The following DNAH6 variants were observed in gnomAD, a reference collection of about 807,000 sequenced individuals.
DNAH6 encodes the protein axonemal beta dynein heavy chain 6.
In DNAH6, 340 loss-of-function variants were observed where a neutral mutation model predicts 491.4. The ratio of observed to expected loss-of-function variants is 0.69; its 90% CI spans 0.63 to 0.76. The LOEUF (loss-of-function observed/expected upper bound fraction) is 0.76, where lower values mean the gene tolerates loss of function less well. Among genes scored for constraint, DNAH6 ranks in the 30% least tolerant of loss-of-function variants. The pLI, the probability that DNAH6 is intolerant of heterozygous loss-of-function variation, is 0.00. For missense variants in DNAH6, 4,443 were observed against 4,972.2 expected, an observed-to-expected ratio of 0.89 and a Z score of 3.20; for synonymous variants, 1,603 against 1,686.1, an observed-to-expected ratio of 0.95 and a Z score of 1.21.
intron 61 of DNAH6, among the ~76,000 whole-genome samples, chr2:84,732,263 G>GGTT (rs1553480747): frequency 1.3e-5 from 2 of 151,950 alleles, no homozygotes; most frequent in African/African-American, 4.8e-5. Context: ...CAGATCTGGA[G>GGTT]TTTTTTCAGT....
chr2:84,677,232 G>A, intron 41 of DNAH6, 96 bp downstream of exon 41: 6 of 1,470,614 alleles, frequency 4.1e-6, no homozygotes, highest in Non-Finnish European at 9.3e-7. Context: ...TTTCTAAGGA[G>A]TCCATCTATC....
chr2:84,651,638 G>T (rs183728920), intron 33 of DNAH6, among the ~76,000 whole-genome samples: 222 of 151,664 alleles, frequency 1.5e-3, no homozygotes, highest in African/African-American at 5.2e-3. Flanking sequence ...TTTCTAGATT[G>T]CCAGGATGTA....
chr2:84,655,460 C>T (rs561125410), intron 35 of DNAH6, among the ~76,000 whole-genome samples: 3 of 152,180 alleles, frequency 2.0e-5, no homozygotes, highest in African/African-American at 4.8e-5. Context: ...CACATCTCAT[C>T]CCCTACTCCA....
intron 10 of DNAH6, among the ~76,000 whole-genome samples, chr2:84,553,766 A>C (rs185650461): frequency 1.8e-3 from 274 of 150,508 alleles, no homozygotes; most frequent in African/African-American, 6.5e-3. Flanking sequence ...CACCATGCCC[A>C]GCCTGTAAAT....
chr2:84,683,259 G>T (rs889799026), intron 42 of DNAH6, among the ~76,000 whole-genome samples: 6 of 152,074 alleles, frequency 3.9e-5, no homozygotes, highest in African/African-American at 1.4e-4. Flanking sequence ...GTATCCCAGT[G>T]CCTAATCGGG....
At chr2:84,576,831 A>G (rs951237333) in intron 12 of DNAH6, among the ~76,000 whole-genome samples, 1 of 152,180 alleles carries the variant, frequency 6.6e-6, no homozygotes, top group African/African-American at 2.4e-5. Flanking sequence ...AATTTTAGCT[A>G]TGTGTGATCT....
At chr2:84,533,497 A>G (rs940862019) in intron 4 of DNAH6, among the ~76,000 whole-genome samples, 5 of 152,130 alleles carry the variant, frequency 3.3e-5, no homozygotes, top group African/African-American at 1.2e-4. Context: ...AGATAAGAAT[A>G]CAATATTGGA....
intron 10 of DNAH6, among the ~76,000 whole-genome samples, chr2:84,556,341 G>A (rs1404010640): frequency 6.7e-6 from 1 of 149,522 alleles, no homozygotes; most frequent in Admixed American, 6.6e-5. Flanking sequence ...TTTCATGAAG[G>A]GGCTGACTGC....
chr2:84,744,329 A>G (rs1332678678), intron 62 of DNAH6, among the ~76,000 whole-genome samples: 3 of 152,220 alleles, frequency 2.0e-5, no homozygotes, highest in Non-Finnish European at 4.4e-5. Context: ...GGCTTATACC[A>G]TATGCATTCT....
At chr2:84,580,316 GCACACACACA>G (rs36209367) in intron 14 of DNAH6, among the ~76,000 whole-genome samples, 3,310 of 149,050 alleles carry the variant, frequency 0.022, 57 homozygotes, top group African/African-American at 0.045. Flanking sequence ...ACATACACAC[GCACACACACA>G]CACACACACA....
intron 31 of DNAH6, among the ~76,000 whole-genome samples, chr2:84,639,475 A>G (rs1573321417): frequency 6.7e-6 from 1 of 149,026 alleles, no homozygotes; most frequent in South Asian, 2.1e-4. Flanking sequence ...CTGGAGTGCA[A>G]TGGCACGATC....
At chr2:84,777,568 C>A in intron 64 of DNAH6, 2 of 783,968 alleles carry the variant, frequency 2.6e-6, no homozygotes. Flanking sequence ...GAACCTCTTT[C>A]CACTGTTACT....
At chr2:84,787,438 G>A (rs1677313395) in intron 68 of DNAH6, 136 bp downstream of exon 68, 2 of 629,186 alleles carry the variant, frequency 3.2e-6, no homozygotes, top group Non-Finnish European at 5.3e-6. Context: ...TGTTCCTTGT[G>A]TGAAGACAAG....
intron 42 of DNAH6, 82 bp from the exon 43 acceptor site, chr2:84,685,244 A>T: frequency 9.5e-7 from 1 of 1,052,540 alleles, no homozygotes; most frequent in Non-Finnish European, 1.3e-6. Flanking sequence ...AGTTGTACTT[A>T]AGGGTTTCCT....
At chr2:84,784,911 G>T in intron 66 of DNAH6, 101 bp downstream of exon 66, 2 of 804,840 alleles carry the variant, frequency 2.5e-6, no homozygotes, top group Non-Finnish European at 4.0e-6. Flanking sequence ...GCATGTGGAG[G>T]TCTGTGTGGC....
intron 18 of DNAH6, among the ~76,000 whole-genome samples, chr2:84,598,698 A>T (rs6547572): frequency 2.6e-5 from 4 of 152,024 alleles, no homozygotes; most frequent in Non-Finnish European, 5.9e-5. Context: ...TTTGTTTTTT[A>T]ATTTCAGTCA....
rs1308053518 is a variant in DNAH6, at chr2:84,634,533, A to G, written c.4545A>G (p.Ala1515=). 13 of 1,546,662 alleles carry G rather than the reference A, an allele frequency of 8.4e-6. No homozygotes were observed. The East Asian group carries it at 2.2e-4, about 26-fold the overall frequency. ...TGGGGCGCTTCTTCAGTGGCTTGGC[A>G]CAGTCAGGGGCCTGGTGCTGCTTTG... ...KMMGRFFSGL[A]QSGAWCCFDE... is the part of the protein sequence containing the mutation. Residue 1515 remains alanine (A), a synonymous_variant, in exon 30 of 77, where the codon GCA becomes GCG. Transcript: ENST00000389394.
At chr2:84,538,412 A>G (rs964801400) in intron 4 of DNAH6, among the ~76,000 whole-genome samples, 2 of 152,152 alleles carry the variant, frequency 1.3e-5, no homozygotes, top group Non-Finnish European at 2.9e-5. Flanking sequence ...CAATTCTATG[A>G]TTTCATTCTC....
At chr2:84,788,732 T>C (rs1054046626) in intron 68 of DNAH6, among the ~76,000 whole-genome samples, 12 of 152,212 alleles carry the variant, frequency 7.9e-5, no homozygotes, top group African/African-American at 2.9e-4. Context: ...CATCCACTGT[T>C]CCTTCCAGGC....
Sources: allele counts gnomAD v4.1 joint callset (sites outside exome capture counted in the v4.1 genomes callset), GRCh38; gene constraint gnomAD v4.1.1; transcripts MANE v1.5; gene names NCBI Gene and HGNC (gene_info 2026-07-23, HGNC 2026-07-21).